CREBBP: variants seen among roughly 807,000 people sequenced by gnomAD.
CREBBP encodes the protein CREB binding lysine acetyltransferase, also known as CREB-binding protein.
Under a neutral mutation model 265.0 loss-of-function variants are expected in CREBBP, and 19 were observed. The observed-to-expected ratio is 0.07, with a 90% CI of 0.05 to 0.11. CREBBP has a LOEUF of 0.11. Among genes scored for constraint, CREBBP ranks in the 10% least tolerant of loss-of-function variants. CREBBP has a pLI of 1.00. For synonymous variants in CREBBP, 1,457 were observed against 1,223.7 expected, an observed-to-expected ratio of 1.19 and a Z score of -3.98; for missense variants, 2,525 against 3,219.0, an observed-to-expected ratio of 0.78 and a Z score of 5.22.
chr16:3,761,553 C>A (rs528095999), intron 16 of CREBBP: 3 of 518,834 alleles, frequency 5.8e-6, no homozygotes, highest in South Asian at 4.2e-5. Context: ...TCATTTCCAT[C>A]AAAGCCCAGG....
chr16:3,863,995 T>C (rs1041804462), intron 1 of CREBBP, among the ~76,000 whole-genome samples: 1 of 152,138 alleles, frequency 6.6e-6, no homozygotes, highest in South Asian at 2.1e-4. Context: ...CAGCTGCCTA[T>C]CCACCCTGCT....
At chr16:3,795,559 T>C (rs2053591820) in intron 3 of CREBBP, among the ~76,000 whole-genome samples, 1 of 152,226 alleles carries the variant, frequency 6.6e-6, no homozygotes, top group Non-Finnish European at 1.5e-5. Flanking sequence ...CTCTTTTAAC[T>C]TTATACTCAT....
In CREBBP at chr16:3,731,991, ACGGACGCCCAGCTC is replaced by A; in HGVS notation, c.4729-68_4729-55del. On this transcript the variant is annotated intron_variant, in intron 28 of 30. Transcript: ENST00000262367. The surrounding 1 kb of genome is among the most constrained non-coding windows in gnomAD (Gnocchi z 7.7). ...AGGCAAGTGCCCCTCCACACTTGGC[ACGGACGCCCAGCTC>A]CCAGGCCGTGGGCATCAGGAAGCTC... 1 of 1,613,350 alleles carries A rather than the reference ACGGACGCCCAGCTC, an allele frequency of 6.2e-7. No individual in the cohort carries two copies. The highest frequency in any genetic ancestry group is 8.5e-7 in the Non-Finnish European group (1 of 1,180,022).
intron 1 of CREBBP, among the ~76,000 whole-genome samples, chr16:3,861,735 A>C (rs2055078867): frequency 6.6e-6 from 1 of 151,746 alleles, no homozygotes; most frequent in African/African-American, 2.4e-5. Flanking sequence ...AGGCATTTAA[A>C]CAAGTTCCCA....
chr16:3,849,442 T>TGTGTGTGTG lies in CREBBP; in HGVS notation c.798+846_798+854dup, dbSNP rs1567360500. Reference sequence around the variant, plus strand: ...GTGTGTGTGTGTGTGTGTGTGTGTGTGTGTGTGTGTGTGTGTGTGTGTGTG... The same window carrying TGTGTGTGTG: ...GTGTGTGTGTGTGTGTGTGTGTGTGTGTGTGTGTGGTGTGTGTGTGTGTGTGTGTGTGTG... On this transcript the variant is annotated intron_variant, in intron 2 of 30. Coordinates refer to ENST00000262367, the MANE Select transcript of CREBBP (RefSeq NM_004380.3). 6.3e-3 allele frequency among the ~76,000 whole-genome samples: 118 copies of TGTGTGTGTG among 18,710 alleles called. 9 individuals carry two copies. The highest frequency in any genetic ancestry group is 0.022 in the East Asian group (5 of 226). 12.3% of individuals were successfully genotyped at this position (18,710 alleles called of 152,430 possible).
chr16:3,771,819 T>TAA (rs1381915361), intron 13 of CREBBP, among the ~76,000 whole-genome samples: 23 of 135,796 alleles, frequency 1.7e-4, no homozygotes, highest in South Asian at 4.8e-4. Flanking sequence ...TTTTTTTTTT[T>TAA]AAAAAAAAAA....
intron 11 of CREBBP, among the ~76,000 whole-genome samples, chr16:3,776,668 C>A (rs1055047516): frequency 6.6e-6 from 1 of 152,108 alleles, no homozygotes. Flanking sequence ...GCTTCTTTCT[C>A]GGACTCTTCC....
intron 3 of CREBBP, among the ~76,000 whole-genome samples, chr16:3,805,524 T>A (rs951425485): frequency 6.6e-6 from 1 of 152,154 alleles, no homozygotes; most frequent in Non-Finnish European, 1.5e-5. Flanking sequence ...AAACCAAAAC[T>A]AAGAGGAGCT....
chr16:3,775,071 A>G (rs149123202), intron 11 of CREBBP, among the ~76,000 whole-genome samples: 1 of 152,164 alleles, frequency 6.6e-6, no homozygotes, highest in Non-Finnish European at 1.5e-5. Context: ...AAAGGACAGC[A>G]CCCTCACAAG....
In CREBBP at chr16:3,879,950, G is replaced by A; in HGVS notation, c.-34C>T. The A allele has an allele frequency of 6.3e-7, 1 of 1,595,676 alleles. No individual in the cohort carries two copies. The highest frequency in any genetic ancestry group is 8.5e-7 in the Non-Finnish European group (1 of 1,170,586). On this transcript the variant is annotated 5_prime_UTR_variant, in exon 1 of 31. Coordinates refer to ENST00000262367, the MANE Select transcript of CREBBP (RefSeq NM_004380.3). ...GCTCGCGAAAACAGCCCCGGGCACG[G>A]GCGGCCGGGCCGGCGAGGGCCCGGA...
rs1275947385 is a variant in CREBBP, at chr16:3,757,868, C to T, written c.3550G>A (p.Val1184Ile). Residue 1184 changes from valine (V) to isoleucine (I), a missense_variant, in exon 18 of 31, where the codon GTC becomes ATC. By Grantham distance (29) the Val-to-Ile change is conservative. Transcript: ENST00000262367. ...ACAGGGTCAATTTCCTGCTCAAAGACCTCTGCAAGCTTACTGCAAAACTTA... is the reference window on the plus strand; with the variant it reads ...ACAGGGTCAATTTCCTGCTCAAAGATCTCTGCAAGCTTACTGCAAAACTTA... ...VYKFCSKLAE[V>I]FEQEIDPVMQ... 1 of 1,614,010 alleles carries T rather than the reference C, an allele frequency of 6.2e-7. No individual in the cohort carries two copies. Among genetic ancestry groups the T allele is most frequent in the Non-Finnish European group, 8.5e-7 (1 of 1,180,028 alleles).
chr16:3,757,060 T>G (rs2052603015), intron 19 of CREBBP, among the ~76,000 whole-genome samples: 1 of 152,214 alleles, frequency 6.6e-6, no homozygotes, highest in Admixed American at 6.5e-5. Flanking sequence ...CAAATAGAGA[T>G]GGGGGTTTCT....
In CREBBP at chr16:3,755,351, T is replaced by G. The variant is rs543973483; in HGVS notation, c.3698+1937A>C. Among the ~76,000 whole-genome samples the G allele has an allele frequency of 2.0e-5, 3 of 152,296 alleles. No homozygotes were observed. In the East Asian group the frequency reaches 5.8e-4, roughly 29 times the overall value. On this transcript the variant is annotated intron_variant, in intron 19 of 30. Coordinates refer to ENST00000262367, the MANE Select transcript of CREBBP (RefSeq NM_004380.3). The stretch of plus-strand genomic sequence containing the variant: ...AGGCCCCACAACACTTTAGAGACAG[T>G]GGTAAACAATCTACCTTCCTTCTAG...
intron 11 of CREBBP, among the ~76,000 whole-genome samples, chr16:3,776,771 G>C (rs1411507612): frequency 6.6e-6 from 1 of 152,048 alleles, no homozygotes; most frequent in East Asian, 1.9e-4. Flanking sequence ...CCAGCACTTT[G>C]GAAGGCCAAG....
intron 14 of CREBBP, among the ~76,000 whole-genome samples, chr16:3,769,749 C>T (rs927658170): frequency 1.2e-4 from 19 of 152,186 alleles, no homozygotes; most frequent in Non-Finnish European, 2.4e-4. Flanking sequence ...AAATCAAGTG[C>T]CTACCCAAAG....
Position 3,740,474 on chromosome 16 carries a change from T to G in CREBBP, c.4058A>C (p.Glu1353Ala). The G allele has an allele frequency of 6.2e-7, 1 of 1,614,158 alleles. No homozygotes were observed. Among genetic ancestry groups the G allele is most frequent in the Non-Finnish European group, 8.5e-7 (1 of 1,180,014 alleles). The change falls in exon 24 of 31, where the codon GAA (glutamate) becomes GCA (alanine). Residue 1353 changes from glutamate to alanine, a missense_variant. Physicochemically the swap from Glu to Ala is moderately radical, Grantham distance 107. Transcript: ENST00000262367. ...CACTCGGACAAAAACCTCCCCGGCT[T>G]CAGGGTGATTCTGGCGCCGCAAAAA... is the stretch of plus-strand genomic sequence containing the variant. ...NKFLRRQNHP[E>A]AGEVFVRVVA... is the part of the protein sequence containing the mutation.
chr16:3,836,736 C>T (rs1032452626), intron 2 of CREBBP, among the ~76,000 whole-genome samples: 11 of 152,050 alleles, frequency 7.2e-5, no homozygotes, highest in Non-Finnish European at 1.5e-4. Flanking sequence ...GATAAAGCAA[C>T]GAAGATAATG....
intron 1 of CREBBP, among the ~76,000 whole-genome samples, chr16:3,870,924 C>T (rs932959582): frequency 7.9e-5 from 12 of 151,430 alleles, no homozygotes; most frequent in Admixed American, 5.3e-4. Flanking sequence ...CTCAGGAGGC[C>T]GAGGCAGGAT....
intron 28 of CREBBP, 96 bp from the exon 29 acceptor site, chr16:3,732,033 G>A: frequency 6.2e-7 from 1 of 1,606,942 alleles, no homozygotes; most frequent in Admixed American, 1.7e-5. Context: ...GGAAGCTCAG[G>A]CCAAAGTAGG....
Sources: allele counts gnomAD v4.1 joint callset (sites outside exome capture counted in the v4.1 genomes callset), GRCh38; gene constraint gnomAD v4.1.1; non-coding constraint Gnocchi (gnomAD v3.1); transcripts MANE v1.5; gene names NCBI Gene and HGNC (gene_info 2026-07-23, HGNC 2026-07-21).